The following DDX55 variants were observed in gnomAD, a reference collection of about 807,000 sequenced individuals.
The protein encoded by DDX55 is ATP-dependent RNA helicase DDX55.
Under a neutral mutation model 69.2 loss-of-function variants are expected in DDX55, and 56 were observed. That is an observed-to-expected ratio of 0.81 (90% CI 0.65 to 1.01). The LOEUF (loss-of-function observed/expected upper bound fraction) is 1.01, where lower values mean the gene tolerates loss of function less well. Among genes scored for constraint, DDX55 ranks in the 50% least tolerant of loss-of-function variants. The probability of loss-of-function intolerance (pLI) is 0.00; values close to 1 mark genes in which losing one functional copy is unlikely to be tolerated. For missense variants in DDX55, 720 were observed against 745.1 expected, an observed-to-expected ratio of 0.97 and a Z score of 0.39; for synonymous variants, 268 against 273.1, an observed-to-expected ratio of 0.98 and a Z score of 0.18.
intron 3 of DDX55, among the ~76,000 whole-genome samples, chr12:123,606,628 T>C (rs1953911758): frequency 6.6e-6 from 1 of 151,236 alleles, no homozygotes; most frequent in Non-Finnish European, 1.5e-5. Flanking sequence ...TTTTGCTCTG[T>C]CACCCAGGCT....
intron 9 of DDX55, 49 bp from the exon 10 acceptor site, chr12:123,616,459 GTGA>G: frequency 1.3e-6 from 2 of 1,532,968 alleles, no homozygotes; most frequent in South Asian, 1.1e-5. Flanking sequence ...CTGTTTGATG[GTGA>G]TGAAGATGGT....
chr12:123,604,293 A>G (rs1309479588), intron 1 of DDX55, among the ~76,000 whole-genome samples: 2 of 152,158 alleles, frequency 1.3e-5, no homozygotes, highest in Non-Finnish European at 2.9e-5. Context: ...CTGTAATCCT[A>G]GCACTTTTGG....
rs1380899547 is a variant in DDX55, at chr12:123,619,532, C to T, written c.1434C>T (p.Asp478=). 9.3e-6 allele frequency: 15 copies of T among 1,613,566 alleles called. No individual in the cohort carries two copies. Among genetic ancestry groups the T allele is most frequent in the East Asian group, 8.9e-5 (4 of 44,890 alleles). The part of the protein sequence containing the change: ...GKQFPDFVPV[D]VNTDTIPFKD... ...AGTTTCCAGATTTTGTGCCCGTGGA[C>T]GTTAATACCGACACGATTCCATTTA... Residue 478 remains aspartate, a synonymous_variant, in exon 13 of 14, where the codon GAC becomes GAT. Transcript: ENST00000238146.
chr12:123,616,427 C>A, intron 9 of DDX55, 84 bp from the exon 10 acceptor site: 1 of 1,217,186 alleles, frequency 8.2e-7, no homozygotes, highest in Non-Finnish European at 1.2e-6. Flanking sequence ...ACCTGTGTGT[C>A]ACTGTCATCG....
At position 123,605,921 on chromosome 12, in the gene DDX55, C is replaced by G. The variant is rs1953859583; in HGVS notation, c.109-10C>G. On this transcript the variant is annotated splice_polypyrimidine_tract_variant and intron_variant, in intron 1 of 13. Coordinates refer to ENST00000238146, the MANE Select transcript of DDX55 (RefSeq NM_020936.3). ...TCCTTTAACCAGTGCTTTGCAATCT[C>G]TCTCTTTAGTCCGCAACCATCCCTC... The G allele has an allele frequency of 6.2e-6, 10 of 1,614,164 alleles. No individual in the cohort carries two copies. The highest frequency in any genetic ancestry group is 7.6e-6 in the Non-Finnish European group (9 of 1,180,024).
intron 5 of DDX55, chr12:123,607,895 G>T: frequency 3.5e-6 from 2 of 578,692 alleles, no homozygotes; most frequent in Non-Finnish European, 6.1e-6. Flanking sequence ...ACGACGTGAA[G>T]ATAAATGAGT....
chr12:123,610,924 G>A (rs1267093592), intron 7 of DDX55, among the ~76,000 whole-genome samples: 26 of 134,494 alleles, frequency 1.9e-4, no homozygotes, highest in African/African-American at 7.5e-4. Context: ...GTTTTGAGAC[G>A]GGGTCTCACC....
At chr12:123,618,165 C>T (rs1009577300) in intron 11 of DDX55, 104 of 395,484 alleles carry the variant, frequency 2.6e-4, no homozygotes, top group Non-Finnish European at 4.4e-4. Flanking sequence ...TACAGGCATG[C>T]GCCACCCCAG....
intron 10 of DDX55, chr12:123,616,938 T>C: frequency 3.5e-6 from 1 of 282,712 alleles, no homozygotes; most frequent in South Asian, 3.5e-5. Flanking sequence ...GTGAATCGTT[T>C]GAGCCCAGGA....
intron 3 of DDX55, 98 bp from the exon 4 acceptor site, chr12:123,607,333 TG>T: frequency 7.6e-7 from 1 of 1,321,854 alleles, no homozygotes; most frequent in Non-Finnish European, 1.1e-6. Flanking sequence ...ACTGTTTCTC[TG>T]GAACTTTCCT....
Position 123,613,172 on chromosome 12 carries a change from A to G in DDX55, c.744A>G (p.Val248=), listed in dbSNP as rs767519190. The G allele has an allele frequency of 1.3e-5, 21 of 1,614,032 alleles. No homozygotes were observed. The highest frequency in any genetic ancestry group is 2.2e-5 in the South Asian group (2 of 91,088). ...TAGTTTCCCTTTTTATTTTGCAGGT[A>G]TGCAAGGCAGATGAGAAATTTAATC... ...TPSRLENYYM[V]CKADEKFNQL... is the part of the protein sequence containing the mutation. Residue 248 remains valine, a splice_region_variant and synonymous_variant, in exon 8 of 14, where the codon GTA becomes GTG. Transcript: ENST00000238146.
intron 6 of DDX55, among the ~76,000 whole-genome samples, chr12:123,609,448 C>G (rs1954080759): frequency 6.9e-6 from 1 of 145,906 alleles, no homozygotes; most frequent in Non-Finnish European, 1.5e-5. Context: ...GATTTCGGGT[C>G]ATTGCGACCT....
At chr12:123,616,758 A>G (rs1954701937) in intron 10 of DDX55, 155 bp downstream of exon 10, 3 of 747,776 alleles carry the variant, frequency 4.0e-6, no homozygotes, top group Non-Finnish European at 7.0e-6. Flanking sequence ...GGATTCCTAC[A>G]GGGCTTGCCA....
At chr12:123,619,013 T>A (rs542782556) in intron 12 of DDX55, among the ~76,000 whole-genome samples, 176 bp downstream of exon 12, 50 of 152,364 alleles carry the variant, frequency 3.3e-4, no homozygotes, top group African/African-American at 9.1e-4. Flanking sequence ...GTAATTTTTT[T>A]AATTTTTGAG....
chr12:123,617,726 T>G (rs1459441529), intron 10 of DDX55, 32 bp from the exon 11 acceptor site: 1 of 1,581,668 alleles, frequency 6.3e-7, no homozygotes, highest in African/African-American at 1.4e-5. Context: ...TGTCATCACC[T>G]GGGTACCCAT....
chr12:123,605,777 G>C (rs931316669), intron 1 of DDX55, 154 bp from the exon 2 acceptor site: 26 of 1,011,136 alleles, frequency 2.6e-5, no homozygotes, highest in Non-Finnish European at 4.0e-5. Flanking sequence ...TGCCACGTTT[G>C]ATTCAACTTC....
rs1304029742 is a variant in DDX55 at position 123,617,805 on chromosome 12, G to A, written c.1097G>A (p.Gly366Asp). 1.2e-6 allele frequency: 2 copies of A among 1,613,768 alleles called. No individual in the cohort carries two copies. Among genetic ancestry groups the A allele is most frequent in the Non-Finnish European group, 1.7e-6 (2 of 1,179,966 alleles). Residue 366 changes from glycine to aspartate, a missense_variant, in exon 11 of 14, where the codon GGC (glycine) becomes GAC (aspartate). Transcript: ENST00000238146. ...CGCACAGCTCGCATTGGCCACGGGG[G>A]CAGCGCTCTGGTGTTCCTCCTGCCC... ...CGRTARIGHGGSALVFLLPME... is the reference protein window; with the variant it reads ...CGRTARIGHGDSALVFLLPME...
intron 13 of DDX55, 98 bp downstream of exon 13, chr12:123,619,822 T>C: frequency 6.6e-7 from 1 of 1,517,496 alleles, no homozygotes; most frequent in Non-Finnish European, 8.7e-7. Context: ...AGATTTCTGT[T>C]ACGTTGGCGA....
intron 5 of DDX55, chr12:123,608,463 T>G: frequency 2.1e-6 from 1 of 480,660 alleles, no homozygotes; most frequent in Non-Finnish European, 3.7e-6. Flanking sequence ...AGCTGGAGTT[T>G]GCCAACCTTG....
Sources: gnomAD v4.1 joint callset for allele counts (sites outside exome capture counted in the v4.1 genomes callset) on GRCh38, gnomAD v4.1.1 for gene constraint, MANE v1.5 for transcripts, NCBI Gene and HGNC (gene_info 2026-07-23, HGNC 2026-07-21) for gene names.